Variants in ARAP1 observed in about 807,000 individuals in gnomAD.
ARAP1 encodes the protein arf-GAP with Rho-GAP domain, ANK repeat and PH domain-containing protein 1.
In ARAP1, 76 loss-of-function variants were observed where a neutral mutation model predicts 172.2. The observed-to-expected ratio is 0.44, with a 90% CI of 0.37 to 0.53. The LOEUF is 0.53. ARAP1 is among the 20% of genes least tolerant of loss of function. The pLI, the probability that ARAP1 is intolerant of heterozygous loss-of-function variation, is 0.00. For synonymous variants in ARAP1, 804 were observed against 803.3 expected (o/e 1.00, Z -0.01); for missense variants, 1,686 against 1,977.5 (o/e 0.85, Z 2.80).
At chr11:72,733,543 A>C (rs1857925675) in intron 1 of ARAP1, among the ~76,000 whole-genome samples, 1 of 152,170 alleles carries the variant, frequency 6.6e-6, no homozygotes, top group African/African-American at 2.4e-5. Flanking sequence ...GATATTCCTG[A>C]CAGGCCACCA....
At chr11:72,698,568 C>G (rs750468223) in intron 18 of ARAP1, among the ~76,000 whole-genome samples, 28 of 152,200 alleles carry the variant, frequency 1.8e-4, no homozygotes, top group Non-Finnish European at 2.9e-4. Context: ...TAAAAAGTCA[C>G]AGGCTCTCAC....
At chr11:72,733,372 C>A (rs559346503) in intron 1 of ARAP1, among the ~76,000 whole-genome samples, 7 of 152,264 alleles carry the variant, frequency 4.6e-5, no homozygotes, top group Non-Finnish European at 1.0e-4. Flanking sequence ...GGACACAGGA[C>A]CCTCTCCACT....
Position 72,699,685 on chromosome 11 carries a change from T to C in ARAP1, c.2303-133A>G. 8.0e-7 allele frequency: 1 copy of C among 1,251,414 alleles called. No individual in the cohort carries two copies. The highest frequency in any genetic ancestry group is 1.5e-5 in the South Asian group (1 of 67,304). 77.5% of individuals were successfully genotyped at this position (1,251,414 alleles called of 1,614,324 possible). ...TTCTCTCAAGTTTTCCCTAAATCCA[T>C]CCACCTCTCTGCATCCCCACCACGC... On this transcript the variant is annotated intron_variant, in intron 16 of 34. Coordinates refer to ENST00000393609, the MANE Select transcript of ARAP1 (RefSeq NM_001040118.3). This position sits in a 1 kb window ranked among gnomAD's most constrained non-coding sequence, Gnocchi z 4.2.
rs1388883882 is a variant in ARAP1 at position 72,711,206 on chromosome 11, A to C, written c.1093-65T>G. On this transcript the variant is annotated intron_variant, in intron 8 of 34. Coordinates refer to ENST00000393609, the MANE Select transcript of ARAP1 (RefSeq NM_001040118.3). ...CTCGCTGACTCCCCCAGCCTCAGCC[A>C]AAATGAAGTCTGCAGCCCTGTCTCC... 3 of 1,597,266 alleles carry C rather than the reference A, an allele frequency of 1.9e-6. No homozygotes were observed. The African/African-American group carries it at 4.0e-5, about 21-fold the overall frequency.
At chr11:72,751,562 G>A (rs748531418) in intron 1 of ARAP1, among the ~76,000 whole-genome samples, 6 of 152,122 alleles carry the variant, frequency 3.9e-5, no homozygotes, top group Non-Finnish European at 7.4e-5. Flanking sequence ...CCACCAAAGA[G>A]TCAAATCCTT....
intron 18 of ARAP1, among the ~76,000 whole-genome samples, chr11:72,698,684 C>T (rs988518211): frequency 6.6e-6 from 1 of 152,172 alleles, no homozygotes; most frequent in Non-Finnish European, 1.5e-5. Context: ...CCTCCAGGAA[C>T]GAGGAGCACA....
intron 3 of ARAP1, among the ~76,000 whole-genome samples, chr11:72,723,221 T>C (rs1184050511): frequency 6.6e-6 from 1 of 152,010 alleles, no homozygotes; most frequent in Non-Finnish European, 1.5e-5. Flanking sequence ...GGTGGGAGGA[T>C]TGCTTGAGCC....
At chr11:72,690,206 C>T (rs755223393) in intron 30 of ARAP1, among the ~76,000 whole-genome samples, 31 of 152,012 alleles carry the variant, frequency 2.0e-4, no homozygotes, top group Non-Finnish European at 3.8e-4. Flanking sequence ...TGAGGGTGGA[C>T]GGGACAGGCC....
In ARAP1 at chr11:72,725,064, A is replaced by G. The variant is rs1254186631; in HGVS notation, c.509+1556T>C. Among the ~76,000 whole-genome samples, 6 of 152,274 alleles carry G rather than the reference A, an allele frequency of 3.9e-5. No homozygotes were observed. The South Asian group carries it at 1.2e-3, about 32-fold the overall frequency. ...GGACCACAGAGGGCACCTGATGGGGAAACAGGCCCAGAGAAGCAGGTCCTC... is the reference window on the plus strand; with the variant it reads ...GGACCACAGAGGGCACCTGATGGGGGAACAGGCCCAGAGAAGCAGGTCCTC... On this transcript the variant is annotated intron_variant, in intron 3 of 34. Coordinates refer to ENST00000393609, the MANE Select transcript of ARAP1 (RefSeq NM_001040118.3). This position sits in a 1 kb window ranked among gnomAD's most constrained non-coding sequence, Gnocchi z 4.3.
intron 8 of ARAP1, 40 bp from the exon 9 acceptor site, chr11:72,711,181 C>G (rs1856997632): frequency 6.2e-7 from 1 of 1,611,022 alleles, no homozygotes; most frequent in Non-Finnish European, 8.5e-7. Context: ...GACCCAGCAC[C>G]TCGCTGACTC....
chr11:72,729,782 C>T (rs577918683), intron 2 of ARAP1, among the ~76,000 whole-genome samples: 1 of 151,670 alleles, frequency 6.6e-6, no homozygotes, highest in Non-Finnish European at 1.5e-5. Flanking sequence ...AATTAGGCAG[C>T]TGCACACTTG....
Position 72,713,183 on chromosome 11 carries a change from G to T in ARAP1, c.740C>A (p.Thr247Asn). 2 of 1,613,900 alleles carry T rather than the reference G, an allele frequency of 1.2e-6. No individual in the cohort carries two copies. Among genetic ancestry groups the T allele is most frequent in the Non-Finnish European group, 8.5e-7 (1 of 1,179,878 alleles). Residue 247 changes from threonine to asparagine, a missense_variant, in exon 5 of 35, where the codon ACC becomes AAC. By Grantham distance (65) the Thr-to-Asn change is moderately conservative. Transcript: ENST00000393609. ...TCCCATGCCTGGCCCCACCTTCTTG[G>T]TCATCACTCTGGCTGGGGCCCCCGG... ...EGPGAPARVM[T>N]KKEEPPPSRV...
chr11:72,730,385 C>T (rs1351842066), intron 2 of ARAP1, among the ~76,000 whole-genome samples: 3 of 152,160 alleles, frequency 2.0e-5, no homozygotes, highest in African/African-American at 4.8e-5. Context: ...TAGGGCATCC[C>T]TTCCCTGGCT....
intron 1 of ARAP1, among the ~76,000 whole-genome samples, chr11:72,740,353 G>A (rs1282734845): frequency 1.3e-5 from 2 of 152,190 alleles, no homozygotes; most frequent in Non-Finnish European, 2.9e-5. Context: ...AGTAGGCATT[G>A]CTGACCCCAC....
chr11:72,733,290 C>A (rs903305837), intron 1 of ARAP1, among the ~76,000 whole-genome samples: 1 of 152,148 alleles, frequency 6.6e-6, no homozygotes, highest in African/African-American at 2.4e-5. Flanking sequence ...AGGGACAATG[C>A]AGCCCTGCGA....
At position 72,695,161 on chromosome 11, in the gene ARAP1, TA is replaced by T. The variant is rs1329105208; in HGVS notation, c.3577-65del. 3.9e-6 allele frequency: 6 copies of T among 1,545,970 alleles called. No homozygotes were observed. The African/African-American group carries it at 6.8e-5, about 17-fold the overall frequency. On this transcript the variant is annotated intron_variant, in intron 26 of 34. Transcript: ENST00000393609. The surrounding 1 kb of genome is among the most constrained non-coding windows in gnomAD (Gnocchi z 4.4). ...AGCCCCTGCTCTGCCACAACCTTGC[TA>T]TGTGACTCAGAGCCTGAGCCCATCC...
chr11:72,714,718 G>A (rs1440935788), intron 3 of ARAP1, among the ~76,000 whole-genome samples: 2 of 152,168 alleles, frequency 1.3e-5, no homozygotes, highest in Non-Finnish European at 2.9e-5. Context: ...AGAAGGGACA[G>A]GATTGAAATG....
At position 72,699,845 on chromosome 11, in the gene ARAP1, G is replaced by A. The variant is rs964089450; in HGVS notation, c.2303-293C>T. Among the ~76,000 whole-genome samples, 1 of 152,066 alleles carries A rather than the reference G, an allele frequency of 6.6e-6. No homozygotes were observed. The highest frequency in any genetic ancestry group is 2.4e-5 in the African/African-American group (1 of 41,374). On this transcript the variant is annotated intron_variant, in intron 16 of 34. Coordinates refer to ENST00000393609, the MANE Select transcript of ARAP1 (RefSeq NM_001040118.3). This position sits in a 1 kb window ranked among gnomAD's most constrained non-coding sequence, Gnocchi z 4.2. Reference sequence around the variant, plus strand: ...TTCCATGGTCCTCAGGACAGACTCTGTGCCCCTCAGCCTGCCATTCAAGGC... The same window carrying A: ...TTCCATGGTCCTCAGGACAGACTCTATGCCCCTCAGCCTGCCATTCAAGGC...
intron 1 of ARAP1, among the ~76,000 whole-genome samples, chr11:72,733,800 G>C (rs1057300656): frequency 3.9e-5 from 6 of 152,114 alleles, no homozygotes; most frequent in Admixed American, 2.0e-4. Context: ...GGCTAAAACA[G>C]GTATACATTT....
Sources: allele counts gnomAD v4.1 joint callset (sites outside exome capture counted in the v4.1 genomes callset), GRCh38; gene constraint gnomAD v4.1.1; non-coding constraint Gnocchi (gnomAD v3.1); transcripts MANE v1.5; gene names NCBI Gene and HGNC (gene_info 2026-07-23, HGNC 2026-07-21).